Variants in RNF19B observed in about 807,000 individuals in gnomAD.
RNF19B encodes ring finger protein 19B, also known as E3 ubiquitin-protein ligase RNF19B.
In RNF19B, 23 loss-of-function variants were observed where a neutral mutation model predicts 65.5. That is an observed-to-expected ratio of 0.35 (90% CI 0.25 to 0.50). The LOEUF is 0.50. Among genes scored for constraint, RNF19B ranks in the 20% least tolerant of loss-of-function variants. The pLI is 0.98. For missense variants in RNF19B, 794 were observed against 980.0 expected (o/e 0.81, Z 2.53); for synonymous variants, 372 against 379.6 (o/e 0.98, Z 0.23).
chr1:32,930,825 C>T, the RNF19B span, among the ~76,000 whole-genome samples: 74 of 152,320 alleles, frequency 4.9e-4, no homozygotes, highest in South Asian at 0.015. Flanking sequence ...CAGTGGCTCA[C>T]GCCTGTAATC....
In RNF19B at chr1:32,964,696, G is replaced by T; in HGVS notation, c.-11C>A. ...CTTCTCGGAGCCCATGGCCGGCAGA[G>T]GCCGAGGAGCCAGGGGCGCCCAGCG... On this transcript the variant is annotated 5_prime_UTR_variant, in exon 1 of 9. Coordinates refer to ENST00000235150, the MANE Select transcript of RNF19B (RefSeq NM_001300826.2). The surrounding 1 kb of genome is among the most constrained non-coding windows in gnomAD (Gnocchi z 6.5). 6.9e-7 allele frequency: 1 copy of T among 1,453,122 alleles called. No individual in the cohort carries two copies. The allele number at this position is 1,453,122 out of a possible 1,614,324, so 90.0% of individuals were successfully genotyped here.
intron 1 of RNF19B, among the ~76,000 whole-genome samples, chr1:32,963,721 A>G (rs1167386701): frequency 6.8e-6 from 1 of 148,084 alleles, no homozygotes; most frequent in African/African-American, 2.6e-5. Context: ...CCGTCTCCAA[A>G]AAAAAAAAGA....
chr1:32,954,214 C>CTT (rs1206250393), intron 1 of RNF19B, among the ~76,000 whole-genome samples: 1 of 144,606 alleles, frequency 6.9e-6, no homozygotes. Flanking sequence ...GCCCAGCCCA[C>CTT]TTTTTTTTTT....
intron 7 of RNF19B, among the ~76,000 whole-genome samples, chr1:32,940,944 C>T (rs965315345): frequency 1.3e-5 from 2 of 152,200 alleles, no homozygotes; most frequent in Non-Finnish European, 2.9e-5. Flanking sequence ...ACTAAACCAG[C>T]TGGGGGCAAT....
At chr1:32,955,564 TA>T (rs1642616385) in intron 1 of RNF19B, among the ~76,000 whole-genome samples, 1 of 148,828 alleles carries the variant, frequency 6.7e-6, no homozygotes, top group Non-Finnish European at 1.5e-5. Flanking sequence ...ACCCCATCTC[TA>T]CAAAAAAAAA....
At chr1:32,950,261 C>G (rs1169065252) in intron 1 of RNF19B, among the ~76,000 whole-genome samples, 1 of 152,142 alleles carries the variant, frequency 6.6e-6, no homozygotes, top group East Asian at 1.9e-4. Flanking sequence ...GCGTGAGCCA[C>G]CATGCCTGGC....
chr1:32,956,662 T>C (rs575388555), intron 1 of RNF19B, among the ~76,000 whole-genome samples: 1 of 152,342 alleles, frequency 6.6e-6, no homozygotes. Context: ...CTTTTACTCA[T>C]TTTATTAATT....
the RNF19B span, among the ~76,000 whole-genome samples, chr1:32,930,002 C>T: frequency 6.6e-6 from 1 of 152,310 alleles, no homozygotes; most frequent in East Asian, 1.9e-4. Flanking sequence ...AAGTACTTTT[C>T]AATTCCTTGC....
At chr1:32,956,003 G>A (rs1642630643) in intron 1 of RNF19B, among the ~76,000 whole-genome samples, 1 of 152,138 alleles carries the variant, frequency 6.6e-6, no homozygotes, top group African/African-American at 2.4e-5. Context: ...GCAAAGGCAG[G>A]AGGATCACTT....
rs1393520684 is a variant in RNF19B, at chr1:32,964,004, C to T, written c.635+47G>A. 1 of 1,400,778 alleles carries T rather than the reference C, an allele frequency of 7.1e-7. No individual in the cohort carries two copies. Among genetic ancestry groups the T allele is most frequent in the Non-Finnish European group, 9.2e-7 (1 of 1,084,042 alleles). The allele number at this position is 1,400,778 out of a possible 1,614,324, so 86.8% of individuals were successfully genotyped here. On this transcript the variant is annotated intron_variant, in intron 1 of 8. Coordinates refer to ENST00000235150, the MANE Select transcript of RNF19B (RefSeq NM_001300826.2). This position sits in a 1 kb window ranked among gnomAD's most constrained non-coding sequence, Gnocchi z 6.5. ...GGGTCCCTGCTGCCCCCAGCCACGC[C>T]CCTCGGCTGCAGCCCGCCGCCACCC...
chr1:32,942,208 T>G (rs1029725910), intron 7 of RNF19B, 44 bp downstream of exon 7: 3 of 1,514,636 alleles, frequency 2.0e-6, no homozygotes, highest in African/African-American at 1.4e-5. Context: ...GTGTTACTTC[T>G]TATAATTCTA....
At chr1:32,950,822 C>A (rs1642477377) in intron 1 of RNF19B, among the ~76,000 whole-genome samples, 1 of 151,606 alleles carries the variant, frequency 6.6e-6, no homozygotes, top group Non-Finnish European at 1.5e-5. Context: ...CAGGCATGAG[C>A]CACCATGCTA....
chr1:32,952,420 C>G (rs1178816185), intron 1 of RNF19B, among the ~76,000 whole-genome samples: 2 of 118,630 alleles, frequency 1.7e-5, no homozygotes, highest in Admixed American at 9.8e-5. Context: ...ACAGCAAGAC[C>G]TTTTCTCTTA....
At chr1:32,942,128 A>C (rs759250973) in intron 7 of RNF19B, 124 bp downstream of exon 7, 24 of 845,338 alleles carry the variant, frequency 2.8e-5, no homozygotes, top group Non-Finnish European at 4.0e-5. Context: ...AAAACAAAAC[A>C]AAACCATTGA....
At chr1:32,943,393 T>C (rs1642285293) in intron 6 of RNF19B, among the ~76,000 whole-genome samples, 3 of 151,644 alleles carry the variant, frequency 2.0e-5, no homozygotes, top group African/African-American at 2.4e-5. Flanking sequence ...GGGCGGATCA[T>C]GGGGTGAGGA....
At chr1:32,962,352 A>G (rs1642789850) in intron 1 of RNF19B, among the ~76,000 whole-genome samples, 2 of 152,356 alleles carry the variant, frequency 1.3e-5, no homozygotes, top group South Asian at 2.1e-4. Context: ...TCAGAGGGCC[A>G]GTAAGATCAC....
downstream of RNF19B, among the ~76,000 whole-genome samples, chr1:32,933,018 C>G (rs765459967): frequency 3.8e-4 from 58 of 152,318 alleles, no homozygotes; most frequent in Admixed American, 8.5e-4. Context: ...CTGGTCATGT[C>G]AAGTAGCACT....
Position 32,942,456 on chromosome 1 carries a change from G to A in RNF19B, c.1406C>T (p.Ala469Val), listed in dbSNP as rs1244901322. ...FDEDDGPITV[A>V]DAWRALKNPS... is the part of the protein sequence containing the mutation. ...ATTCTTGAGGGCTCTCCAGGCATCTGCCACTGGGGATAGAACCAAACATCC... is the reference window on the plus strand; with the variant it reads ...ATTCTTGAGGGCTCTCCAGGCATCTACCACTGGGGATAGAACCAAACATCC... The change falls in exon 7 of 9, where the codon GCA (alanine) becomes GTA (valine). Residue 469 changes from alanine to valine, a missense_variant. Transcript: ENST00000235150. 6.2e-7 allele frequency: 1 copy of A among 1,613,444 alleles called. No homozygotes were observed. The highest frequency in any genetic ancestry group is 8.5e-7 in the Non-Finnish European group (1 of 1,179,510).
At chr1:32,932,610 T>TC (rs1216633548), downstream of RNF19B, among the ~76,000 whole-genome samples, 1 of 152,228 alleles carries the variant, frequency 6.6e-6, no homozygotes, top group Non-Finnish European at 1.5e-5. Flanking sequence ...CATTGGCCTG[T>TC]CCAAGTAGTA....
Sources: allele counts gnomAD v4.1 joint callset (sites outside exome capture counted in the v4.1 genomes callset), GRCh38; gene constraint gnomAD v4.1.1; non-coding constraint Gnocchi (gnomAD v3.1); transcripts MANE v1.5; gene names NCBI Gene and HGNC (gene_info 2026-07-23, HGNC 2026-07-21).